Variants in WDR20 observed in about 807,000 individuals in gnomAD.
WDR20 encodes the protein WD repeat-containing protein 20.
A neutral mutation model predicts 38.7 loss-of-function variants in WDR20; 3 were observed. The ratio of observed to expected loss-of-function variants is 0.08; its 90% confidence interval spans 0.04 to 0.20. The LOEUF (loss-of-function observed/expected upper bound fraction) is 0.20, where lower values mean the gene tolerates loss of function less well. Among genes scored for constraint, WDR20 ranks in the 10% least tolerant of loss-of-function variants. WDR20 has a pLI of 1.00. For synonymous variants in WDR20, 298 were observed against 285.6 expected (o/e 1.04, Z -0.44); for missense variants, 559 against 727.7 (o/e 0.77, Z 2.67).
In WDR20 at chr14:102,191,043, G is replaced by C. The variant is rs112047686; in HGVS notation, c.250-3895G>C. Among the ~76,000 whole-genome samples the C allele has an allele frequency of 9.3e-3, 1,417 of 151,646 alleles. 18 individuals are homozygous for C. The highest frequency in any genetic ancestry group is 0.032 in the African/African-American group (1,304 of 41,366). On this transcript the variant is annotated intron_variant, in intron 1 of 2. Coordinates refer to ENST00000342702, the MANE Select transcript of WDR20 (RefSeq NM_144574.4). ...AAAAAATTAGGAGACATTTTGATTA[G>C]AGATAAGATGTGGCTGGAATTAATG...
chr14:102,155,321 A>G (rs2057112091), intron 1 of WDR20, among the ~76,000 whole-genome samples: 1 of 152,236 alleles, frequency 6.6e-6, no homozygotes, highest in Non-Finnish European at 1.5e-5. Flanking sequence ...AAAGGGCTGC[A>G]ACTGACTCAT....
downstream of WDR20, among the ~76,000 whole-genome samples, chr14:102,217,678 G>A (rs953990322): frequency 7.2e-5 from 11 of 152,226 alleles, no homozygotes; most frequent in Non-Finnish European, 1.2e-4. Flanking sequence ...TTCGGGTGCC[G>A]TGAATAAACC....
At chr14:102,219,742 T>C (rs1282954521), downstream of WDR20, among the ~76,000 whole-genome samples, 3 of 152,232 alleles carry the variant, frequency 2.0e-5, no homozygotes, top group African/African-American at 7.2e-5. Context: ...ATTCTCTGCA[T>C]GGCGATGCAT....
At chr14:102,213,894 G>A (rs1376284208), downstream of WDR20, 12 of 985,304 alleles carry the variant, frequency 1.2e-5, no homozygotes, top group African/African-American at 8.7e-5. Context: ...CACATCATGC[G>A]TGTCTGACTG....
At chr14:102,210,885 G>A (rs112405565), downstream of WDR20, among the ~76,000 whole-genome samples, 7 of 152,216 alleles carry the variant, frequency 4.6e-5, no homozygotes, top group East Asian at 7.7e-4. Flanking sequence ...CAGAGGAAGC[G>A]GAAGTGCAGG....
chr14:102,184,368 A>G (rs1051925930), intron 1 of WDR20, among the ~76,000 whole-genome samples: 1 of 152,196 alleles, frequency 6.6e-6, no homozygotes, highest in Non-Finnish European at 1.5e-5. Flanking sequence ...TTAAGAAGCT[A>G]CTCTGAAGGA....
intron 1 of WDR20, among the ~76,000 whole-genome samples, chr14:102,152,105 A>G (rs1394161140): frequency 6.6e-6 from 1 of 151,568 alleles, no homozygotes; most frequent in Non-Finnish European, 1.5e-5. Context: ...TTATAGAGAC[A>G]GGGTTTCACC....
chr14:102,184,761 A>G (rs535878059), intron 1 of WDR20, among the ~76,000 whole-genome samples: 3 of 152,110 alleles, frequency 2.0e-5, no homozygotes, highest in East Asian at 3.9e-4. Flanking sequence ...ACATCTTGCT[A>G]TTTGCTGACG....
At position 102,208,874 on chromosome 14, in the gene WDR20, T is replaced by C; in HGVS notation, c.704T>C (p.Leu235Ser). The C allele has an allele frequency of 6.2e-7, 1 of 1,614,188 alleles. No homozygotes were observed. The highest frequency in any genetic ancestry group is 1.1e-5 in the South Asian group (1 of 91,082). ...EFAFSPDGKF[L>S]ACVSQDGFLR... ...GCTTTCTCCCCAGATGGCAAGTTCT[T>C]AGCGTGCGTGAGCCAGGACGGGTTT... The change falls in exon 3 of 3, where the codon TTA (leucine) becomes TCA (serine). Residue 235 changes from leucine to serine, a missense_variant. Transcript: ENST00000342702. This position sits in a 1 kb window ranked among gnomAD's most constrained non-coding sequence, Gnocchi z 5.6.
At chr14:102,181,133 T>A (rs911255062) in intron 1 of WDR20, among the ~76,000 whole-genome samples, 1 of 152,158 alleles carries the variant, frequency 6.6e-6, no homozygotes, top group South Asian at 2.1e-4. Context: ...ACATAACTTA[T>A]GAACTTTAAC....
At chr14:102,149,024 G>T (rs112067125) in intron 1 of WDR20, among the ~76,000 whole-genome samples, 4 of 152,236 alleles carry the variant, frequency 2.6e-5, no homozygotes, top group African/African-American at 9.6e-5. Context: ...TTAGCTGGGT[G>T]TGGTGGCGGG....
chr14:102,216,790 C>T (rs902510417), downstream of WDR20, among the ~76,000 whole-genome samples: 7 of 152,164 alleles, frequency 4.6e-5, no homozygotes, highest in Middle Eastern at 0.01. Flanking sequence ...ATTAGCCGGG[C>T]GTGGTGGCGG....
intron 1 of WDR20, among the ~76,000 whole-genome samples, chr14:102,166,807 A>G (rs1198234587): frequency 6.6e-6 from 1 of 152,086 alleles, no homozygotes; most frequent in Non-Finnish European, 1.5e-5. Context: ...CCCTCCACCT[A>G]CTTTCACTCT....
rs2064005370 is a variant in WDR20 at position 102,184,164 on chromosome 14, G to T, written c.250-10774G>T. 2.0e-5 allele frequency among the ~76,000 whole-genome samples: 3 copies of T among 152,130 alleles called. No individual in the cohort carries two copies. The South Asian group carries it at 6.2e-4, about 32-fold the overall frequency. ...TCTGGTGTTAGTATGTGTGCAAATTGAATTTATCTTGATGTTTATTCATAG... is the reference window on the plus strand; with the variant it reads ...TCTGGTGTTAGTATGTGTGCAAATTTAATTTATCTTGATGTTTATTCATAG... On this transcript the variant is annotated intron_variant, in intron 1 of 2. Transcript: ENST00000342702.
chr14:102,211,470 C>T (rs573768825), downstream of WDR20, among the ~76,000 whole-genome samples: 49 of 152,256 alleles, frequency 3.2e-4, no homozygotes, highest in African/African-American at 9.6e-4. This position sits in a 1 kb window ranked among gnomAD's most constrained non-coding sequence, Gnocchi z 4.2. Flanking sequence ...CCATCGTGGG[C>T]CTTAACGCAG....
chr14:102,166,673 T>C lies in WDR20; in HGVS notation c.249+26501T>C, dbSNP rs1487923441. 3.3e-5 allele frequency among the ~76,000 whole-genome samples: 5 copies of C among 152,228 alleles called. No homozygotes were observed. In the East Asian group the frequency reaches 9.6e-4, roughly 29 times the overall value. ...TATACTATACTCTTCATTATCTCTA[T>C]TTGTTTTTGCCCTAATTTTGTTTTG... On this transcript the variant is annotated intron_variant, in intron 1 of 2. Transcript: ENST00000342702.
Position 102,200,321 on chromosome 14 carries a change from G to A in WDR20, c.432+5201G>A, listed in dbSNP as rs12161898. 3.9e-3 allele frequency among the ~76,000 whole-genome samples: 587 copies of A among 152,262 alleles called. 9 individuals are homozygous for A. In the East Asian group the frequency reaches 0.048, roughly 13 times the overall value. ...GGGCCATTATTGAAAGTATCTTGGC[G>A]CACGGTTCATCTGACAAGCTCCCAG... On this transcript the variant is annotated intron_variant, in intron 2 of 2. Coordinates refer to ENST00000342702, the MANE Select transcript of WDR20 (RefSeq NM_144574.4).
intron 1 of WDR20, among the ~76,000 whole-genome samples, chr14:102,147,468 T>C (rs1366468522): frequency 1.3e-5 from 2 of 152,248 alleles, no homozygotes; most frequent in African/African-American, 2.4e-5. Context: ...GAGATAGTCA[T>C]GAATGCCATT....
chr14:102,193,229 T>G (rs762796900), intron 1 of WDR20, among the ~76,000 whole-genome samples: 1 of 151,724 alleles, frequency 6.6e-6, no homozygotes, highest in Non-Finnish European at 1.5e-5. Context: ...TCCGAGCCGC[T>G]CAGAAGCTGC....
Sources: gnomAD v4.1 joint callset for allele counts (sites outside exome capture counted in the v4.1 genomes callset) on GRCh38, gnomAD v4.1.1 for gene constraint, Gnocchi (gnomAD v3.1) non-coding constraint, MANE v1.5 for transcripts, NCBI Gene and HGNC (gene_info 2026-07-23, HGNC 2026-07-21) for gene names.